Variants in AKAP6 observed in about 807,000 individuals in gnomAD.
AKAP6 encodes the protein A-kinase anchoring protein 6, also known as A-kinase anchor protein 6.
AKAP6 carries 58 observed loss-of-function variants against 188.5 expected under a neutral mutation model. That is an observed-to-expected ratio of 0.31 (90% CI 0.25 to 0.38). The LOEUF (loss-of-function observed/expected upper bound fraction) is 0.38, where lower values mean the gene tolerates loss of function less well. Ranked by LOEUF, AKAP6 falls within the 10% of genes least tolerant of loss-of-function variation. AKAP6 has a pLI of 1.00. For synonymous variants in AKAP6, 989 were observed against 998.6 expected, an observed-to-expected ratio of 0.99 and a Z score of 0.18; for missense variants, 2,710 against 2,740.0, an observed-to-expected ratio of 0.99 and a Z score of 0.24.
chr14:32,715,133 A>C (rs957197092), intron 9 of AKAP6, among the ~76,000 whole-genome samples: 6 of 152,140 alleles, frequency 3.9e-5, no homozygotes, highest in African/African-American at 1.4e-4. Context: ...ATTGGCGTCA[A>C]ATTCAACTAA....
intron 1 of AKAP6, among the ~76,000 whole-genome samples, chr14:32,349,856 T>C (rs929631020): frequency 3.9e-5 from 6 of 152,122 alleles, no homozygotes; most frequent in Non-Finnish European, 5.9e-5. Flanking sequence ...ATCATGTAGT[T>C]CAAGAATGTA....
At chr14:32,688,466 A>G (rs933416287) in intron 8 of AKAP6, among the ~76,000 whole-genome samples, 2 of 152,146 alleles carry the variant, frequency 1.3e-5, no homozygotes, top group Non-Finnish European at 2.9e-5. Flanking sequence ...AAATAAACAA[A>G]TGTGTATGTT....
Position 32,375,300 on chromosome 14 carries a change from A to C in AKAP6, c.-35+45892A>C, listed in dbSNP as rs113451265. ...GAAGGGAAAAGAAGTATGGAAGTAC[A>C]CTACAACAGAAGATACTATGTGCAG... is the stretch of plus-strand genomic sequence containing the variant. On this transcript the variant is annotated intron_variant, in intron 1 of 13. Coordinates refer to ENST00000280979, the MANE Select transcript of AKAP6 (RefSeq NM_004274.5). 2.6e-4 allele frequency among the ~76,000 whole-genome samples: 39 copies of C among 152,340 alleles called. 1 individual carries two copies. The highest frequency in any genetic ancestry group is 8.7e-4 in the African/African-American group (36 of 41,570).
intron 6 of AKAP6, among the ~76,000 whole-genome samples, chr14:32,600,139 C>T (rs1017444004): frequency 6.6e-6 from 1 of 152,150 alleles, no homozygotes; most frequent in Admixed American, 6.6e-5. Flanking sequence ...GAGCTTAGCA[C>T]AGCTAAATAG....
intron 2 of AKAP6, among the ~76,000 whole-genome samples, chr14:32,518,858 C>G (rs910192729): frequency 1.3e-5 from 2 of 152,144 alleles, no homozygotes; most frequent in South Asian, 4.1e-4. Flanking sequence ...CACAAAGATA[C>G]TCCTTGAGAA....
At chr14:32,664,347 T>C (rs1888830833) in intron 7 of AKAP6, among the ~76,000 whole-genome samples, 1 of 152,108 alleles carries the variant, frequency 6.6e-6, no homozygotes, top group South Asian at 2.1e-4. Flanking sequence ...TGTGTATGTG[T>C]GTGCATGCTT....
intron 2 of AKAP6, among the ~76,000 whole-genome samples, chr14:32,533,174 C>A (rs958375935): frequency 1.3e-5 from 2 of 152,072 alleles, no homozygotes; most frequent in Non-Finnish European, 2.9e-5. Flanking sequence ...AAAGATAACG[C>A]CATGCTTGGT....
intron 1 of AKAP6, among the ~76,000 whole-genome samples, chr14:32,391,140 A>G (rs1313370005): frequency 1.3e-5 from 2 of 152,198 alleles, no homozygotes; most frequent in African/African-American, 4.8e-5. Flanking sequence ...TGTTAAAAGC[A>G]GTTGAGAGAT....
chr14:32,367,867 C>T (rs1211198203), intron 1 of AKAP6, among the ~76,000 whole-genome samples: 2 of 152,182 alleles, frequency 1.3e-5, no homozygotes, highest in Non-Finnish European at 2.9e-5. Context: ...TAAAAATAGT[C>T]CAGCTTTACA....
chr14:32,685,724 CAAAAA>C (rs71115091), intron 8 of AKAP6, among the ~76,000 whole-genome samples: 1 of 86,226 alleles, frequency 1.2e-5, no homozygotes. Flanking sequence ...GACTCCATCT[CAAAAA>C]AAAAAAAAAA....
chr14:32,813,390 C>CCCG (rs1555365124), intron 12 of AKAP6, among the ~76,000 whole-genome samples: 2 of 57,902 alleles, frequency 3.5e-5, no homozygotes, highest in East Asian at 2.9e-3. Flanking sequence ...TCTAACCCTA[C>CCCG]CCCCCCCCCC....
At chr14:32,399,832 T>C (rs1889024747) in intron 1 of AKAP6, among the ~76,000 whole-genome samples, 1 of 152,216 alleles carries the variant, frequency 6.6e-6, no homozygotes, top group African/African-American at 2.4e-5. Context: ...CAGCTTGTTT[T>C]ATAGCTCTTC....
intron 11 of AKAP6, among the ~76,000 whole-genome samples, chr14:32,747,058 T>G (rs1256001624): frequency 6.6e-6 from 1 of 152,118 alleles, no homozygotes; most frequent in Non-Finnish European, 1.5e-5. Context: ...TTCATATGCT[T>G]TAAGAAATGT....
intron 1 of AKAP6, among the ~76,000 whole-genome samples, chr14:32,333,775 A>T (rs1886604323): frequency 6.6e-6 from 1 of 152,188 alleles, no homozygotes; most frequent in Non-Finnish European, 1.5e-5. Flanking sequence ...GTGCATGTCT[A>T]TCTCAGTTGA....
chr14:32,440,912 G>A lies in AKAP6; in HGVS notation c.324+7095G>A, dbSNP rs186828770. On this transcript the variant is annotated intron_variant, in intron 2 of 13. Coordinates refer to ENST00000280979, the MANE Select transcript of AKAP6 (RefSeq NM_004274.5). ...CGTATGTTGAAACTTAATTGCCAAT[G>A]TGATAGTATTAAGAGGTGGGGTCTT... 2.6e-5 allele frequency among the ~76,000 whole-genome samples: 4 copies of A among 152,246 alleles called. No homozygotes were observed. The East Asian group carries it at 7.7e-4, about 29-fold the overall frequency.
rs188999807 is a variant in AKAP6, at chr14:32,633,588, C to T, written c.2730+32796C>T. ...TGCTTTAGGAGCCATTGCATGTCTC[C>T]GCTAGCTCTCTGGCTCTTTTCCTTC... On this transcript the variant is annotated intron_variant, in intron 7 of 13. Coordinates refer to ENST00000280979, the MANE Select transcript of AKAP6 (RefSeq NM_004274.5). Among the ~76,000 whole-genome samples the T allele has an allele frequency of 8.5e-5, 13 of 152,152 alleles. No individual in the cohort carries two copies. In the South Asian group the frequency reaches 1.7e-3, roughly 19 times the overall value.
intron 5 of AKAP6, among the ~76,000 whole-genome samples, chr14:32,597,335 T>A (rs908011886): frequency 3.9e-5 from 6 of 152,232 alleles, no homozygotes; most frequent in Admixed American, 6.5e-5. Context: ...TAGGCTAAAT[T>A]TACAGTTATG....
intron 4 of AKAP6, among the ~76,000 whole-genome samples, chr14:32,550,172 A>G (rs73273435): frequency 0.033 from 5,095 of 152,264 alleles, 267 homozygotes; most frequent in African/African-American, 0.11. Flanking sequence ...CCAACTTCCA[A>G]TTTGATTCCA....
rs535099554 is a variant in AKAP6 at position 32,607,006 on chromosome 14, T to C, written c.2730+6214T>C. Among the ~76,000 whole-genome samples, 4 of 152,222 alleles carry C rather than the reference T, an allele frequency of 2.6e-5. No homozygotes were observed. The South Asian group carries it at 8.3e-4, about 32-fold the overall frequency. ...GCAAGTCTAGTGTTAGCATGTGTTT[T>C]TGTTTGTTTGTTTACCAGATGCCCA... On this transcript the variant is annotated intron_variant, in intron 7 of 13. Transcript: ENST00000280979.
Sources: gnomAD v4.1 joint callset for allele counts (sites outside exome capture counted in the v4.1 genomes callset) on GRCh38, gnomAD v4.1.1 for gene constraint, MANE v1.5 for transcripts, NCBI Gene and HGNC (gene_info 2026-07-23, HGNC 2026-07-21) for gene names.